Variants in TXLNB observed in about 807,000 individuals in gnomAD.
TXLNB encodes beta-taxilin.
A neutral mutation model predicts 57.4 loss-of-function variants in TXLNB; 37 were observed. That is an observed-to-expected ratio of 0.64 (90% CI 0.50 to 0.85). The LOEUF is 0.85. Among genes scored for constraint, TXLNB ranks in the 40% least tolerant of loss-of-function variants. The pLI is 0.00. For synonymous variants in TXLNB, 302 were observed against 309.6 expected (o/e 0.98, Z 0.26); for missense variants, 848 against 825.6 (o/e 1.03, Z -0.33).
rs771127302 is a variant in TXLNB, at chr6:139,288,566, C to A, written c.334G>T (p.Glu112Ter). The change falls in exon 2 of 10, where the codon GAA becomes TAA. Residue 112 changes from glutamate to a stop codon, truncating the protein, a stop_gained. Coordinates refer to ENST00000358430, the MANE Select transcript of TXLNB (RefSeq NM_153235.4). LOFTEE classifies it high-confidence loss of function. Reference protein sequence around the residue: ...CEETTEEAGREPVASGEPPTV... With the variant: ...CEETTEEAGR Reference sequence around the variant, plus strand: ...GGTGGCTCTCCAGAAGCAACGGGTTCTCTTCCAGCCTCTTCAGTTGTTTCC... The same window carrying A: ...GGTGGCTCTCCAGAAGCAACGGGTTATCTTCCAGCCTCTTCAGTTGTTTCC... 22 of 1,614,110 alleles carry A rather than the reference C, an allele frequency of 1.4e-5. No individual in the cohort carries two copies. Among genetic ancestry groups the A allele is most frequent in the Non-Finnish European group, 1.9e-5 (22 of 1,180,054 alleles).
In TXLNB at chr6:139,242,867, C is replaced by T. The variant is rs751854787; in HGVS notation, c.1714G>A (p.Glu572Lys). 1 of 1,614,112 alleles carries T rather than the reference C, an allele frequency of 6.2e-7. No individual in the cohort carries two copies. The highest frequency in any genetic ancestry group is 8.5e-7 in the Non-Finnish European group (1 of 1,180,010). ...QAEAEGGSDA[E>K]PPSKASNSPA... ...GAATTACTGGCCTTGGAGGGAGGTT[C>T]AGCATCACTGCCTCCTTCGGCTTCA... Residue 572 changes from glutamate to lysine, a missense_variant, in exon 10 of 10, where the codon GAA becomes AAA. Physicochemically the swap from Glu to Lys is moderately conservative, Grantham distance 56. Transcript: ENST00000358430.
upstream of TXLNB, among the ~76,000 whole-genome samples, chr6:139,294,858 G>A (rs1387575986): frequency 2.0e-5 from 3 of 152,176 alleles, no homozygotes; most frequent in African/African-American, 4.8e-5. Context: ...ATGTGGTGGC[G>A]CATGCTTGTA....
chr6:139,264,543 T>TTTTTGTTTTG (rs199910457), intron 4 of TXLNB, among the ~76,000 whole-genome samples: 373 of 150,674 alleles, frequency 2.5e-3, no homozygotes, highest in Middle Eastern at 0.01. Context: ...ATATATATAT[T>TTTTTGTTTTG]TTTTGTTTTG....
At chr6:139,216,720 T>A in the TXLNB span, among the ~76,000 whole-genome samples, 1 of 152,092 alleles carries the variant, frequency 6.6e-6, no homozygotes, top group African/African-American at 2.4e-5. Flanking sequence ...TTGCAGCAAC[T>A]TGGATGGAGC....
At chr6:139,243,991 T>C (rs1459379558) in intron 9 of TXLNB, among the ~76,000 whole-genome samples, 1 of 150,394 alleles carries the variant, frequency 6.6e-6, no homozygotes, top group Admixed American at 6.6e-5. Context: ...TTGAGACCTT[T>C]TTTCCCCCAC....
At chr6:139,210,871 G>C in the TXLNB span, among the ~76,000 whole-genome samples, 1 of 152,244 alleles carries the variant, frequency 6.6e-6, no homozygotes, top group Non-Finnish European at 1.5e-5. Flanking sequence ...CGCCCACGGA[G>C]CCTCACTCAT....
the TXLNB span, chr6:139,177,543 C>T: frequency 6.4e-6 from 1 of 155,672 alleles, no homozygotes; most frequent in Non-Finnish European, 1.4e-5. This position sits in a 1 kb window ranked among gnomAD's most constrained non-coding sequence, Gnocchi z 4.9. Flanking sequence ...AAGTCTGTGC[C>T]TGGAGAGCTA....
At chr6:139,318,287 A>C in the TXLNB span, among the ~76,000 whole-genome samples, 1 of 150,316 alleles carries the variant, frequency 6.7e-6, no homozygotes, top group Admixed American at 6.6e-5. Context: ...AAAAAAAAAA[A>C]AGAAAAGAAA....
chr6:139,215,171 T>A, the TXLNB span, among the ~76,000 whole-genome samples: 3 of 151,952 alleles, frequency 2.0e-5, no homozygotes, highest in Non-Finnish European at 4.4e-5. Context: ...CATTGCCAAG[T>A]CAATCCTAAG....
At chr6:139,307,401 C>T in the TXLNB span, among the ~76,000 whole-genome samples, 1 of 152,148 alleles carries the variant, frequency 6.6e-6, no homozygotes, top group African/African-American at 2.4e-5. Flanking sequence ...GTTGCTCACT[C>T]TGGTCTCCAA....
At chr6:139,263,530 C>A (rs1461904266) in intron 4 of TXLNB, among the ~76,000 whole-genome samples, 1 of 152,198 alleles carries the variant, frequency 6.6e-6, no homozygotes, top group African/African-American at 2.4e-5. Flanking sequence ...AATTTTCCTT[C>A]TTCCGCTTTG....
chr6:139,281,539 CTTTTTTTTTTT>C (rs745650982), intron 2 of TXLNB, among the ~76,000 whole-genome samples: 1 of 57,488 alleles, frequency 1.7e-5, no homozygotes, highest in African/African-American at 1.4e-4. Flanking sequence ...ATCTGGAGTT[CTTTTTTTTTTT>C]TTTTTTTTTT....
At chr6:139,318,623 T>C in the TXLNB span, among the ~76,000 whole-genome samples, 1 of 151,958 alleles carries the variant, frequency 6.6e-6, no homozygotes, top group African/African-American at 2.4e-5. Flanking sequence ...ACAAAACACA[T>C]TATTTCCAAG....
At chr6:139,317,549 G>A in the TXLNB span, among the ~76,000 whole-genome samples, 2 of 151,946 alleles carry the variant, frequency 1.3e-5, no homozygotes, top group South Asian at 2.1e-4. Flanking sequence ...ACAGGCGCCC[G>A]CCACCACGCC....
chr6:139,257,090 A>G (rs189263477), intron 6 of TXLNB, among the ~76,000 whole-genome samples: 1 of 152,308 alleles, frequency 6.6e-6, no homozygotes, highest in African/African-American at 2.4e-5. Flanking sequence ...TGTTTTGGGT[A>G]TGGATCTTCT....
downstream of TXLNB, among the ~76,000 whole-genome samples, chr6:139,238,861 A>G (rs950270284): frequency 1.3e-5 from 2 of 152,296 alleles, no homozygotes; most frequent in African/African-American, 2.4e-5. Context: ...AAATTATTTT[A>G]CTTTCCCAAA....
intron 2 of TXLNB, among the ~76,000 whole-genome samples, chr6:139,288,087 A>C (rs6905085): frequency 0.4 from 60,617 of 152,162 alleles, 14,875 homozygotes; most frequent in African/African-American, 0.7. Context: ...ACAAGATCAG[A>C]ATGACTAGCT....
chr6:139,304,531 A>G, the TXLNB span, among the ~76,000 whole-genome samples: 1 of 152,242 alleles, frequency 6.6e-6, no homozygotes, highest in Non-Finnish European at 1.5e-5. Context: ...GTGACGAGCA[A>G]GGTTATCAAC....
At position 139,243,886 on chromosome 6, in the gene TXLNB, C is replaced by T. The variant is rs114019151; in HGVS notation, c.1267-572G>A. On this transcript the variant is annotated intron_variant, in intron 9 of 9. Coordinates refer to ENST00000358430, the MANE Select transcript of TXLNB (RefSeq NM_153235.4). ...TAATTCACGATGCTGGCTGCTCAAA[C>T]GGTTCAGTTTTTTCCTCTAGAAATG... Among the ~76,000 whole-genome samples the T allele has an allele frequency of 2.9e-3, 443 of 152,314 alleles. 3 individuals carry two copies. The highest frequency in any genetic ancestry group is 0.01 in the African/African-American group (427 of 41,570).
Sources: gnomAD v4.1 joint callset for allele counts (sites outside exome capture counted in the v4.1 genomes callset) on GRCh38, gnomAD v4.1.1 for gene constraint, Gnocchi (gnomAD v3.1) non-coding constraint, MANE v1.5 for transcripts, NCBI Gene and HGNC (gene_info 2026-07-23, HGNC 2026-07-21) for gene names.